Variants in MSR1 observed in about 807,000 individuals in gnomAD.
The protein encoded by MSR1 is macrophage scavenger receptor types I and II.
Under a neutral mutation model 47.2 loss-of-function variants are expected in MSR1, and 53 were observed. The observed-to-expected ratio is 1.12, with a 90% CI of 0.90 to 1.41. MSR1 has a LOEUF of 1.41. Ranked by LOEUF, MSR1 falls within the 40% of genes most tolerant of loss-of-function variation. MSR1 has a pLI of 0.00. For synonymous variants in MSR1, 239 were observed against 185.6 expected, an observed-to-expected ratio of 1.29 and a Z score of -2.34; for missense variants, 786 against 546.9, an observed-to-expected ratio of 1.44 and a Z score of -4.36.
chr8:16,180,221 T>C (rs1303446519), intron 1 of MSR1, among the ~76,000 whole-genome samples: 1 of 151,990 alleles, frequency 6.6e-6, no homozygotes, highest in Non-Finnish European at 1.5e-5. Context: ...CATTTTACAT[T>C]GGCAGCCATA....
chr8:16,190,723 C>CTTTTTTTTTTTTTTTTTTT (rs772816603), intron 1 of MSR1, among the ~76,000 whole-genome samples: 5 of 145,300 alleles, frequency 3.4e-5, no homozygotes, highest in African/African-American at 5.4e-5. Flanking sequence ...TTTTTTCTTT[C>CTTTTTTTTTTTTTTTTTTT]TTTCTTTTTG....
At chr8:16,186,305 TC>T in intron 1 of MSR1, 1 of 1,038,362 alleles carries the variant, frequency 9.6e-7, no homozygotes, top group South Asian at 1.4e-5. Context: ...CTGTTTTCTC[TC>T]CTATTTTCAC....
intron 7 of MSR1, among the ~76,000 whole-genome samples, chr8:16,149,929 T>G (rs1399247816): frequency 6.6e-6 from 1 of 151,834 alleles, no homozygotes; most frequent in African/African-American, 2.4e-5. Flanking sequence ...TCCTGTGTGT[T>G]TTTTTAAACG....
intron 8 of MSR1, among the ~76,000 whole-genome samples, chr8:16,131,447 T>TTC (rs1554464348): frequency 8.9e-5 from 13 of 146,682 alleles, no homozygotes; most frequent in African/African-American, 3.0e-4. Flanking sequence ...GATAGTTTTT[T>TTC]TTTTTTTTTT....
At chr8:16,149,117 A>G (rs1310740532) in intron 7 of MSR1, among the ~76,000 whole-genome samples, 1 of 152,170 alleles carries the variant, frequency 6.6e-6, no homozygotes, top group Non-Finnish European at 1.5e-5. Context: ...ACATGACATT[A>G]TACATCTGCT....
At chr8:16,117,366 A>G (rs1290289486) in intron 9 of MSR1, among the ~76,000 whole-genome samples, 1 of 152,132 alleles carries the variant, frequency 6.6e-6, no homozygotes, top group Non-Finnish European at 1.5e-5. Flanking sequence ...GCGGCTGCAA[A>G]TAAAGATTAA....
chr8:16,172,667 G>A (rs2117194502), intron 3 of MSR1, among the ~76,000 whole-genome samples: 1 of 151,942 alleles, frequency 6.6e-6, no homozygotes, highest in Non-Finnish European at 1.5e-5. Flanking sequence ...TAGTATTTCA[G>A]TAACAATTTA....
chr8:16,147,815 C>G (rs769788664), intron 7 of MSR1, among the ~76,000 whole-genome samples: 2 of 152,082 alleles, frequency 1.3e-5, no homozygotes, highest in Non-Finnish European at 2.9e-5. Context: ...GGACTTATTA[C>G]CTCTGCCGTT....
intron 7 of MSR1, among the ~76,000 whole-genome samples, chr8:16,148,233 C>A (rs1190660132): frequency 2.0e-5 from 3 of 152,098 alleles, no homozygotes; most frequent in Non-Finnish European, 4.4e-5. Context: ...ATTGCTTATG[C>A]ATTTTTTTTC....
At chr8:16,189,474 T>TG (rs1244270242) in intron 1 of MSR1, among the ~76,000 whole-genome samples, 1 of 400 alleles carries the variant, frequency 2.5e-3, no homozygotes, top group East Asian at 0.062. Context: ...ATATTTTATA[T>TG]ATTTTATATA....
At chr8:16,116,995 T>C (rs889413065) in intron 9 of MSR1, among the ~76,000 whole-genome samples, 24 of 152,242 alleles carry the variant, frequency 1.6e-4, no homozygotes, top group African/African-American at 5.1e-4. Flanking sequence ...CTCTTTGTAA[T>C]AGATGAAAAA....
At chr8:16,173,561 G>A (rs2117196975) in intron 3 of MSR1, among the ~76,000 whole-genome samples, 1 of 152,302 alleles carries the variant, frequency 6.6e-6, no homozygotes, top group Non-Finnish European at 1.5e-5. Flanking sequence ...GGTTGTTATG[G>A]TTGGATTTTT....
At chr8:16,158,040 C>T (rs540944654) in intron 5 of MSR1, among the ~76,000 whole-genome samples, 12 of 151,890 alleles carry the variant, frequency 7.9e-5, no homozygotes, top group Non-Finnish European at 1.6e-4. Context: ...TCCATACTGA[C>T]ATAATAACTG....
intron 7 of MSR1, among the ~76,000 whole-genome samples, chr8:16,148,979 C>A (rs1800773135): frequency 2.0e-5 from 3 of 152,150 alleles, no homozygotes; most frequent in African/African-American, 2.4e-5. Context: ...CTGGAAAAGG[C>A]AAAACTATGG....
At chr8:16,116,074 G>A (rs1373514576) in intron 9 of MSR1, among the ~76,000 whole-genome samples, 3 of 152,142 alleles carry the variant, frequency 2.0e-5, no homozygotes, top group Non-Finnish European at 4.4e-5. Context: ...CAATGTAATA[G>A]CGATCTCACT....
Position 16,168,622 on chromosome 8 carries a change from G to C in MSR1, c.466C>G (p.Leu156Val). 1 of 1,614,150 alleles carries C rather than the reference G, an allele frequency of 6.2e-7. No homozygotes were observed. Among genetic ancestry groups the C allele is most frequent in the Non-Finnish European group, 8.5e-7 (1 of 1,180,010 alleles). ...GAAAACAAGGTACTTAGCTGCAGAA[G>C]AATGTCATTAAATCTTTGATCAGTT... ...MTTDQRFNDI[L>V]LQLSTLFSSV... Residue 156 changes from leucine to valine, a missense_variant, in exon 4 of 10, where the codon CTT (leucine) becomes GTT (valine). By Grantham distance (32) the Leu-to-Val change is conservative. Coordinates refer to ENST00000262101, the MANE Select transcript of MSR1 (RefSeq NM_138715.3).
rs549635173 is a variant in MSR1 at position 16,184,833 on chromosome 8, A to G, written c.-4-6841T>C. ...TTTTTTTTAGCATATAGAAGTGATA[A>G]TAAATATTTTGTGGATTACTATATT... is the stretch of plus-strand genomic sequence containing the variant. On this transcript the variant is annotated intron_variant, in intron 1 of 9. Transcript: ENST00000262101. 4.3e-4 allele frequency among the ~76,000 whole-genome samples: 66 copies of G among 152,196 alleles called. 1 individual carries two copies. Among genetic ancestry groups the G allele is most frequent in the Admixed American group, 2.0e-3 (31 of 15,258 alleles).
At chr8:16,143,685 A>G in intron 7 of MSR1, 74 bp from the exon 8 acceptor site, 1 of 1,048,718 alleles carries the variant, frequency 9.5e-7, no homozygotes, top group East Asian at 2.4e-5. Flanking sequence ...GAGACAGATC[A>G]TCACAAGGTA....
At chr8:16,185,542 C>A (rs1266594240) in intron 1 of MSR1, among the ~76,000 whole-genome samples, 1 of 152,114 alleles carries the variant, frequency 6.6e-6, no homozygotes, top group Non-Finnish European at 1.5e-5. Flanking sequence ...CGGCAAAGCA[C>A]AGTCACGCAA....
Sources: gnomAD v4.1 joint callset for allele counts (sites outside exome capture counted in the v4.1 genomes callset) on GRCh38, gnomAD v4.1.1 for gene constraint, MANE v1.5 for transcripts, NCBI Gene and HGNC (gene_info 2026-07-23, HGNC 2026-07-21) for gene names.